TP73: variants seen among roughly 807,000 people sequenced by gnomAD.
The protein encoded by TP73 is tumor protein p73.
TP73 carries 25 observed loss-of-function variants against 62.5 expected under a neutral mutation model. That is an observed-to-expected ratio of 0.40 (90% CI 0.29 to 0.56). The LOEUF (loss-of-function observed/expected upper bound fraction) is 0.56, where lower values mean the gene tolerates loss of function less well. TP73 is among the 20% of genes least tolerant of loss of function. The pLI is 0.46. For synonymous variants in TP73, 423 were observed against 377.5 expected (o/e 1.12, Z -1.40); for missense variants, 754 against 913.3 (o/e 0.83, Z 2.25).
At chr1:3,730,203 G>GCGCCTAGCTCAGGACACAC in intron 11 of TP73, 55 bp downstream of exon 11, 2 of 1,461,522 alleles carry the variant, frequency 1.4e-6, no homozygotes, top group Non-Finnish European at 1.8e-6. Context: ...CCCACTGGGG[G>GCGCCTAGCTCAGGACACAC]CGCCTAGCTC....
At chr1:3,661,457 C>T (rs1172899598) in intron 1 of TP73, among the ~76,000 whole-genome samples, 2 of 151,868 alleles carry the variant, frequency 1.3e-5, no homozygotes, top group Non-Finnish European at 2.9e-5. Flanking sequence ...GCCTGTAATT[C>T]CAGCACTTTG....
chr1:3,713,040 C>T (rs367558062), intron 4 of TP73, among the ~76,000 whole-genome samples: 1 of 152,206 alleles, frequency 6.6e-6, no homozygotes, highest in Non-Finnish European at 1.5e-5. Context: ...CTCAGAGGGA[C>T]CTGCCTGTCC....
At position 3,729,327 on chromosome 1, in the gene TP73, G is replaced by A. The variant is rs1557587579; in HGVS notation, c.1075G>A (p.Val359Met). The part of the protein sequence containing the change: ...HGDEDTYYLQ[V>M]RGRENFEILM... ...CAGAGATCTGCTCCTCTGTGCTCAG[G>A]TGCGAGGCCGGGAGAACTTTGAGAT... Residue 359 changes from valine to methionine, a missense_variant and splice_region_variant, in exon 10 of 14, where the codon GTG (valine) becomes ATG (methionine). Around this residue, in one of 3 missense-constraint regions of TP73, gnomAD observed 458 missense variants for 528.7 expected, o/e 0.87. Coordinates refer to ENST00000378295, the MANE Select transcript of TP73 (RefSeq NM_005427.4). 1.2e-6 allele frequency: 2 copies of A among 1,613,092 alleles called. No homozygotes were observed. The highest frequency in any genetic ancestry group is 1.3e-5 in the African/African-American group (1 of 75,052).
At chr1:3,718,513 C>T (rs553624414) in intron 4 of TP73, among the ~76,000 whole-genome samples, 64 of 152,246 alleles carry the variant, frequency 4.2e-4, no homozygotes, top group African/African-American at 1.3e-3. Context: ...GGCGGGAGCT[C>T]AGGCTCCGCA....
chr1:3,725,658 G>GTGGA (rs1226436384), intron 6 of TP73, among the ~76,000 whole-genome samples: 12 of 139,850 alleles, frequency 8.6e-5, no homozygotes, highest in Non-Finnish European at 1.4e-4. Context: ...GATGGGGTGG[G>GTGGA]TGGATGGATG....
rs1264030803 is a variant in TP73, at chr1:3,727,788, G to T, written c.985+18G>T. The stretch of plus-strand genomic sequence containing the variant: ...CAAGCGTGGTGAGCGGCCGGCCAGG[G>T]GAACTGGACGCGTGTGGGAGGAGAA... On this transcript the variant is annotated intron_variant, in intron 8 of 13. Coordinates refer to ENST00000378295, the MANE Select transcript of TP73 (RefSeq NM_005427.4). 3 of 1,514,196 alleles carry T rather than the reference G, an allele frequency of 2.0e-6. No homozygotes were observed. Among genetic ancestry groups the T allele is most frequent in the Admixed American group, 2.1e-5 (1 of 48,474 alleles). The allele number at this position is 1,514,196 out of a possible 1,614,324, so 93.8% of individuals were successfully genotyped here.
chr1:3,707,527 C>T (rs770307589), intron 3 of TP73, 22 bp from the exon 4 acceptor site: 32 of 1,597,924 alleles, frequency 2.0e-5, no homozygotes, highest in Admixed American at 3.4e-5. Context: ...TTCCCCCTCC[C>T]TCCTCCCCTT....
At chr1:3,671,544 A>C (rs1353497648) in intron 1 of TP73, among the ~76,000 whole-genome samples, 1 of 152,204 alleles carries the variant, frequency 6.6e-6, no homozygotes, top group Non-Finnish European at 1.5e-5. Flanking sequence ...TCTGCCCTGC[A>C]GGAGCCGGGG....
In TP73 at chr1:3,670,460, T is replaced by C. The variant is rs1346439474; in HGVS notation, c.-33-11873T>C. On this transcript the variant is annotated intron_variant, in intron 1 of 13. Transcript: ENST00000378295. This position sits in a 1 kb window ranked among gnomAD's most constrained non-coding sequence, Gnocchi z 5.9. The stretch of plus-strand genomic sequence containing the variant: ...CGGGTGGATCAACAGAGGTCAGGAG[T>C]TCGAGAGCAACCTGGCCAACATGGT... 6.6e-6 allele frequency among the ~76,000 whole-genome samples: 1 copy of C among 150,862 alleles called. No homozygotes were observed. Among genetic ancestry groups the C allele is most frequent in the Admixed American group, 6.6e-5 (1 of 15,162 alleles).
rs796255658 is a variant in TP73, at chr1:3,663,707, A to AAAAAG, written c.-34+11069_-34+11070insAGAAA. On this transcript the variant is annotated intron_variant, in intron 1 of 13. Transcript: ENST00000378295. This position sits in a 1 kb window ranked among gnomAD's most constrained non-coding sequence, Gnocchi z 4.7. Reference sequence around the variant, plus strand: ...CGAGACTCCATCTCAAAAAAAAAAAAAAAGAAAGAAAGAAAGGATACAGAC... The same window carrying AAAAAG: ...CGAGACTCCATCTCAAAAAAAAAAAAAAAAGAAAGAAAGAAAGAAAGGATACAGAC... 0.15 allele frequency among the ~76,000 whole-genome samples: 22,333 copies of AAAAAG among 147,692 alleles called. 1,942 individuals carry two copies. The highest frequency in any genetic ancestry group is 0.2 in the Non-Finnish European group (13,159 of 66,840).
At chr1:3,731,931 C>G (rs1164812690) in intron 13 of TP73, among the ~76,000 whole-genome samples, 1 of 150,942 alleles carries the variant, frequency 6.6e-6, no homozygotes, top group Non-Finnish European at 1.5e-5. Context: ...GCGCCATTTA[C>G]ACAGACAGGA....
chr1:3,674,773 A>C (rs1295986372), intron 1 of TP73, among the ~76,000 whole-genome samples: 1 of 152,152 alleles, frequency 6.6e-6, no homozygotes, highest in African/African-American at 2.4e-5. Context: ...GCCCCTTGGC[A>C]CAGAGGGCCC....
In TP73 at chr1:3,672,568, G is replaced by C. The variant is rs1482024563; in HGVS notation, c.-33-9765G>C. On this transcript the variant is annotated intron_variant, in intron 1 of 13. Transcript: ENST00000378295. This position sits in a 1 kb window ranked among gnomAD's most constrained non-coding sequence, Gnocchi z 5.3. ...ACTCAGACACCCACTCTGGCCATAAGCTCCGCTCTGTCCCAGCCCTGGACC... is the reference window on the plus strand; with the variant it reads ...ACTCAGACACCCACTCTGGCCATAACCTCCGCTCTGTCCCAGCCCTGGACC... 6.6e-6 allele frequency among the ~76,000 whole-genome samples: 1 copy of C among 152,036 alleles called. No individual in the cohort carries two copies. Among genetic ancestry groups the C allele is most frequent in the Non-Finnish European group, 1.5e-5 (1 of 67,976 alleles).
At chr1:3,674,463 G>C (rs1006497394) in intron 1 of TP73, among the ~76,000 whole-genome samples, 15 of 152,232 alleles carry the variant, frequency 9.9e-5, no homozygotes, top group African/African-American at 3.1e-4. Flanking sequence ...GTGGCGGTGA[G>C]GGGGGCTCTC....
At chr1:3,676,403 TGGGGGACAGGGAGACA>T (rs752264339) in intron 1 of TP73, among the ~76,000 whole-genome samples, 2 of 52,610 alleles carry the variant, frequency 3.8e-5, no homozygotes, top group Non-Finnish European at 7.0e-5. Context: ...AAGGAACCTA[TGGGGGACAGGGAGACA>T]GGGGGACAGG....
At position 3,696,696 on chromosome 1, in the gene TP73, TG is replaced by T. The variant is rs1638691760; in HGVS notation, c.187-10850del. Reference sequence around the variant, plus strand: ...GCAGGGCCCAACTGGGAATGGCTCATGGGATTGCTGAGCATGGCCAAGGGAG... The same window carrying T: ...GCAGGGCCCAACTGGGAATGGCTCATGGATTGCTGAGCATGGCCAAGGGAG... On this transcript the variant is annotated intron_variant, in intron 3 of 13. Transcript: ENST00000378295. The surrounding 1 kb of genome is among the most constrained non-coding windows in gnomAD (Gnocchi z 4.1). 6.6e-6 allele frequency among the ~76,000 whole-genome samples: 1 copy of T among 152,066 alleles called. No individual in the cohort carries two copies. Among genetic ancestry groups the T allele is most frequent in the East Asian group, 1.9e-4 (1 of 5,176 alleles).
At chr1:3,703,192 G>A (rs144046295) in intron 3 of TP73, among the ~76,000 whole-genome samples, 221 of 152,338 alleles carry the variant, frequency 1.5e-3, no homozygotes, top group Non-Finnish European at 2.4e-3. Context: ...TGACAGGGGC[G>A]GTGACCACAG....
intron 4 of TP73, chr1:3,714,353 C>T (rs1187132310): frequency 6.6e-6 from 1 of 152,272 alleles, no homozygotes; most frequent in Non-Finnish European, 1.5e-5. Context: ...ACCCACTGAC[C>T]CTGGGGCACC....
rs1429132335 is a variant in TP73 at position 3,653,747 on chromosome 1, T to G, written c.-34+1106T>G. The stretch of plus-strand genomic sequence containing the variant: ...AAAGCGCGTGGCCTCTGGCACTTAC[T>G]GAGCGCTGAGCCACCCCTCTTTGGA... On this transcript the variant is annotated intron_variant, in intron 1 of 13. Transcript: ENST00000378295. Among the ~76,000 whole-genome samples the G allele has an allele frequency of 2.6e-5, 4 of 152,380 alleles. No individual in the cohort carries two copies. The South Asian group carries it at 8.3e-4, about 32-fold the overall frequency.
Sources: gnomAD v4.1 joint callset for allele counts (sites outside exome capture counted in the v4.1 genomes callset) on GRCh38, gnomAD v4.1.1 for gene constraint, gnomAD v4.1.1 regional missense constraint, Gnocchi (gnomAD v3.1) non-coding constraint, MANE v1.5 for transcripts, NCBI Gene and HGNC (gene_info 2026-07-23, HGNC 2026-07-21) for gene names.